The following SLC35F4 variants were observed in gnomAD, a reference collection of about 807,000 sequenced individuals.
The protein encoded by SLC35F4 is chromosome 14 open reading frame 36.
A neutral mutation model predicts 44.2 loss-of-function variants in SLC35F4; 24 were observed. That is an observed-to-expected ratio of 0.54 (90% CI 0.39 to 0.76). The LOEUF (loss-of-function observed/expected upper bound fraction) is 0.76, where lower values mean the gene tolerates loss of function less well. Ranked by LOEUF, SLC35F4 falls within the 30% of genes least tolerant of loss-of-function variation. The pLI is 0.00. For synonymous variants in SLC35F4, 238 were observed against 223.6 expected, an observed-to-expected ratio of 1.06 and a Z score of -0.57; for missense variants, 562 against 586.1, an observed-to-expected ratio of 0.96 and a Z score of 0.42.
chr14:57,679,382 G>A (rs1411931373), intron 1 of SLC35F4, among the ~76,000 whole-genome samples: 2 of 152,094 alleles, frequency 1.3e-5, no homozygotes, highest in Non-Finnish European at 1.5e-5. Context: ...GCAGTTTATA[G>A]AGGGAAATGT....
chr14:57,572,540 A>G (rs1036407188), intron 4 of SLC35F4, among the ~76,000 whole-genome samples: 1 of 148,194 alleles, frequency 6.7e-6, no homozygotes, highest in Non-Finnish European at 1.5e-5. Flanking sequence ...ATGGGAAAAA[A>G]GAAAGAAAAT....
chr14:57,920,141 A>G (rs1005994567), intron 1 of SLC35F4, among the ~76,000 whole-genome samples: 6 of 152,204 alleles, frequency 3.9e-5, no homozygotes, highest in Non-Finnish European at 8.8e-5. Flanking sequence ...GTATCTTCCA[A>G]AAGCCACTTA....
intron 1 of SLC35F4, among the ~76,000 whole-genome samples, chr14:57,694,616 T>G (rs1248964507): frequency 6.6e-6 from 1 of 152,174 alleles, no homozygotes; most frequent in African/African-American, 2.4e-5. Context: ...AATCTATCCC[T>G]CAGTTTGGGG....
chr14:57,690,767 A>G (rs1244786128), intron 1 of SLC35F4, among the ~76,000 whole-genome samples: 3 of 151,946 alleles, frequency 2.0e-5, no homozygotes, highest in East Asian at 1.9e-4. Context: ...GGAGTACACA[A>G]TCTAGATCCC....
At chr14:57,887,796 C>A (rs943081070) in intron 1 of SLC35F4, among the ~76,000 whole-genome samples, 1 of 152,162 alleles carries the variant, frequency 6.6e-6, no homozygotes, top group Non-Finnish European at 1.5e-5. Flanking sequence ...CAAGAGGGAG[C>A]CTCAACAGCG....
intron 1 of SLC35F4, among the ~76,000 whole-genome samples, chr14:57,601,810 C>T (rs2070841992): frequency 6.6e-6 from 1 of 152,122 alleles, no homozygotes; most frequent in Admixed American, 6.5e-5. Flanking sequence ...CTACTATGCA[C>T]AAAAAGCCTT....
At chr14:57,661,305 G>C (rs1460755153) in intron 1 of SLC35F4, among the ~76,000 whole-genome samples, 1 of 152,144 alleles carries the variant, frequency 6.6e-6, no homozygotes, top group African/African-American at 2.4e-5. Flanking sequence ...ACCCAGAGGA[G>C]CCCTTTTATT....
At chr14:57,940,994 A>G (rs896384489) in intron 1 of SLC35F4, among the ~76,000 whole-genome samples, 1 of 152,244 alleles carries the variant, frequency 6.6e-6, no homozygotes, top group African/African-American at 2.4e-5. Flanking sequence ...GAATCCACTC[A>G]TACCTATTAG....
In SLC35F4 at chr14:57,773,722, C is replaced by T. The variant is rs187976265; in HGVS notation, c.103+92001G>A. On this transcript the variant is annotated intron_variant, in intron 1 of 7. Transcript: ENST00000556826. ...TGAAACATGAAAATAATTAACAGTT[C>T]ATCAGTTGTTTATGGCAATTGCCCA... Among the ~76,000 whole-genome samples, 1,281 of 151,984 alleles carry T rather than the reference C, an allele frequency of 8.4e-3. 63 individuals carry two copies. Among genetic ancestry groups the T allele is most frequent in the Admixed American group, 0.077 (1,175 of 15,264 alleles).
chr14:57,961,142 A>C (rs1890332064), intron 1 of SLC35F4, among the ~76,000 whole-genome samples: 1 of 152,106 alleles, frequency 6.6e-6, no homozygotes, highest in Admixed American at 6.6e-5. Context: ...GGCTGCTGTC[A>C]CTTGAGCTGG....
At chr14:57,920,496 C>T (rs1274458203) in intron 1 of SLC35F4, among the ~76,000 whole-genome samples, 1 of 152,124 alleles carries the variant, frequency 6.6e-6, no homozygotes, top group African/African-American at 2.4e-5. Flanking sequence ...TTGCTTGAGC[C>T]CAGGAGCTCA....
At chr14:57,766,202 C>T (rs62003427) in intron 1 of SLC35F4, among the ~76,000 whole-genome samples, 34,087 of 152,138 alleles carry the variant, frequency 0.22, 3,980 homozygotes, top group South Asian at 0.31. Context: ...ATTCAGAATA[C>T]AACATGTACA....
At chr14:57,907,293 T>A (rs1889119390) in intron 1 of SLC35F4, among the ~76,000 whole-genome samples, 1 of 152,184 alleles carries the variant, frequency 6.6e-6, no homozygotes. Context: ...AGTGTAAACA[T>A]AACTTTCATA....
intron 1 of SLC35F4, among the ~76,000 whole-genome samples, chr14:57,809,083 T>C (rs1881676693): frequency 6.6e-6 from 1 of 152,142 alleles, no homozygotes; most frequent in Admixed American, 6.6e-5. Flanking sequence ...CCCACACGTT[T>C]TTCCCCGCCA....
intron 1 of SLC35F4, among the ~76,000 whole-genome samples, chr14:57,776,791 C>G (rs1383273737): frequency 6.6e-6 from 1 of 151,866 alleles, no homozygotes; most frequent in Non-Finnish European, 1.5e-5. Context: ...AGAGTGAGGG[C>G]CTATATTCAA....
rs751207467 is a variant in SLC35F4 at position 57,594,086 on chromosome 14, C to T, written c.142G>A (p.Ala48Thr). Residue 48 changes from alanine (A) to threonine (T), a missense_variant, in exon 2 of 8, where the codon GCC becomes ACC. By Grantham distance (58) the Ala-to-Thr change is moderately conservative (BLOSUM62 0). Coordinates refer to ENST00000556826, the MANE Select transcript of SLC35F4 (RefSeq NM_001306087.2). ...CCACTGTGTGAACTGGGGCAGTTGGCTCCTGGTTTACATCTAGTGACTGAT... is the reference window on the plus strand; with the variant it reads ...CCACTGTGTGAACTGGGGCAGTTGGTTCCTGGTTTACATCTAGTGACTGAT... The part of the protein sequence containing the change: ...RSSVTRCKPG[A>T]NCPSSHSGIS... 6.2e-7 allele frequency: 1 copy of T among 1,613,752 alleles called. No homozygotes were observed. The highest frequency in any genetic ancestry group is 8.5e-7 in the Non-Finnish European group (1 of 1,179,848).
chr14:57,743,452 C>T (rs962370481), intron 1 of SLC35F4, among the ~76,000 whole-genome samples: 1 of 152,152 alleles, frequency 6.6e-6, no homozygotes, highest in Non-Finnish European at 1.5e-5. Context: ...AACACCTCTA[C>T]ACAAATAAAC....
chr14:57,827,059 G>A (rs760275490), intron 1 of SLC35F4, among the ~76,000 whole-genome samples: 4 of 152,004 alleles, frequency 2.6e-5, no homozygotes, highest in African/African-American at 7.3e-5. Flanking sequence ...ATATGCACAC[G>A]TATGTTCATT....
chr14:57,853,516 C>T (rs1156538500), intron 1 of SLC35F4, among the ~76,000 whole-genome samples: 1 of 152,154 alleles, frequency 6.6e-6, no homozygotes, highest in Non-Finnish European at 1.5e-5. Flanking sequence ...AAACTTGACC[C>T]TGCTCCAAAC....
Sources: allele counts gnomAD v4.1 joint callset (sites outside exome capture counted in the v4.1 genomes callset), GRCh38; gene constraint gnomAD v4.1.1; transcripts MANE v1.5; gene names NCBI Gene and HGNC (gene_info 2026-07-23, HGNC 2026-07-21).